The following LRP1B variants were observed in gnomAD, a reference collection of about 807,000 sequenced individuals.
LRP1B encodes LDL receptor related protein 1B.
Under a neutral mutation model 556.6 loss-of-function variants are expected in LRP1B, and 217 were observed. The ratio of observed to expected loss-of-function variants is 0.39; its 90% CI spans 0.35 to 0.44. The LOEUF is 0.44. LRP1B is among the 20% of genes least tolerant of loss of function. The probability of loss-of-function intolerance (pLI) is 1.00; values close to 1 mark genes in which losing one functional copy is unlikely to be tolerated. For missense variants in LRP1B, 5,053 were observed against 5,620.8 expected (o/e 0.90, Z 3.23); for synonymous variants, 2,047 against 1,865.8 (o/e 1.10, Z -2.50).
In LRP1B at chr2:140,281,264, T is replaced by C. The variant is rs543332610; in HGVS notation, c.12968-6666A>G. 2.6e-5 allele frequency among the ~76,000 whole-genome samples: 4 copies of C among 152,082 alleles called. No individual in the cohort carries two copies. In the East Asian group the frequency reaches 5.8e-4, roughly 22 times the overall value. On this transcript the variant is annotated intron_variant, in intron 84 of 90. Transcript: ENST00000389484. ...TTACAAATATTTATGGAAAGCCATA[T>C]AGCTATACAATCTATAACTGCATTT...
At chr2:140,427,182 T>A (rs550422865) in intron 66 of LRP1B, among the ~76,000 whole-genome samples, 8 of 152,256 alleles carry the variant, frequency 5.3e-5, no homozygotes, top group Non-Finnish European at 1.0e-4. Context: ...CGAGGACACC[T>A]CTCTGATTAT....
At chr2:140,545,371 C>A (rs1680291942) in intron 43 of LRP1B, among the ~76,000 whole-genome samples, 1 of 152,016 alleles carries the variant, frequency 6.6e-6, no homozygotes, top group Non-Finnish European at 1.5e-5. Context: ...GTTCCTATGT[C>A]TAGAATGGTA....
At chr2:140,795,528 G>A (rs1165241462) in intron 32 of LRP1B, among the ~76,000 whole-genome samples, 1 of 152,046 alleles carries the variant, frequency 6.6e-6, no homozygotes, top group Non-Finnish European at 1.5e-5. Flanking sequence ...TTTCAAAGTT[G>A]TAATGTTTAA....
At chr2:141,743,094 CT>C (rs1359054240) in intron 2 of LRP1B, among the ~76,000 whole-genome samples, 1 of 151,706 alleles carries the variant, frequency 6.6e-6, no homozygotes, top group Non-Finnish European at 1.5e-5. Context: ...CCCCTTATTT[CT>C]TTTGCTTGGA....
chr2:142,027,695 C>G (rs927502911), intron 1 of LRP1B, among the ~76,000 whole-genome samples: 1 of 146,442 alleles, frequency 6.8e-6, no homozygotes, highest in African/African-American at 2.5e-5. Flanking sequence ...CACACACACA[C>G]ACAGAGATAA....
chr2:141,547,348 G>T lies in LRP1B; in HGVS notation c.206-66815C>A, dbSNP rs114100477. Among the ~76,000 whole-genome samples the T allele has an allele frequency of 7.7e-3, 1,175 of 152,284 alleles. 17 individuals are homozygous for T. The highest frequency in any genetic ancestry group is 0.027 in the African/African-American group (1,127 of 41,566). ...TCTATTTTTAAAAGCTCTTGCAGCA[G>T]CCTGATAATTGGCCTCCCAATTTGC... On this transcript the variant is annotated intron_variant, in intron 2 of 90. Transcript: ENST00000389484.
Position 140,506,801 on chromosome 2 carries a change from T to A in LRP1B, c.8516A>T (p.Gln2839Leu), listed in dbSNP as rs1215253371. 6.2e-7 allele frequency: 1 copy of A among 1,612,972 alleles called. No homozygotes were observed. Among genetic ancestry groups the A allele is most frequent in the Non-Finnish European group, 8.5e-7 (1 of 1,179,466 alleles). ...GAAGTTTTAGATGTACTTACCACAC[T>A]GCGGTGACTCATCAGAGCCATCTCC... ...DCGDGSDESPQCGYRQCGTEE... is the reference protein window; with the variant it reads ...DCGDGSDESPLCGYRQCGTEE... Residue 2839 changes from glutamine to leucine, a missense_variant, in exon 53 of 91, where the codon CAG (glutamine) becomes CTG (leucine). Gln to Leu is a moderately radical substitution (Grantham distance 113). Coordinates refer to ENST00000389484, the MANE Select transcript of LRP1B (RefSeq NM_018557.3).
chr2:141,366,608 C>T (rs1689042832), intron 3 of LRP1B, among the ~76,000 whole-genome samples: 1 of 152,190 alleles, frequency 6.6e-6, no homozygotes, highest in Non-Finnish European at 1.5e-5. Flanking sequence ...TTTAACCCTT[C>T]CTCAGTTTTT....
intron 2 of LRP1B, among the ~76,000 whole-genome samples, chr2:141,794,308 C>T (rs975981733): frequency 1.3e-5 from 2 of 151,852 alleles, no homozygotes; most frequent in East Asian, 1.9e-4. Context: ...TCAGGAGAGG[C>T]TTATTATTAT....
chr2:142,082,841 T>C (rs1275794881), intron 1 of LRP1B, among the ~76,000 whole-genome samples: 1 of 152,236 alleles, frequency 6.6e-6, no homozygotes, highest in African/African-American at 2.4e-5. Context: ...ATCTAATATG[T>C]ATGGGAGAAG....
At chr2:140,743,626 G>T (rs1383458301) in intron 35 of LRP1B, among the ~76,000 whole-genome samples, 2 of 152,034 alleles carry the variant, frequency 1.3e-5, no homozygotes, top group Non-Finnish European at 2.9e-5. Context: ...CTTGCATATA[G>T]TACACATGTA....
intron 21 of LRP1B, among the ~76,000 whole-genome samples, chr2:140,913,427 A>C (rs1011237805): frequency 5.3e-5 from 8 of 152,002 alleles, no homozygotes; most frequent in Non-Finnish European, 1.0e-4. Flanking sequence ...ATGAGAAACA[A>C]GCTTTACCAA....
chr2:141,407,716 G>A (rs10199042), intron 3 of LRP1B, among the ~76,000 whole-genome samples: 30,160 of 152,084 alleles, frequency 0.2, 3,935 homozygotes, highest in East Asian at 0.6. Flanking sequence ...CAGAAACCAA[G>A]CAGATGCCAG....
At chr2:141,598,874 C>T (rs879374304) in intron 2 of LRP1B, among the ~76,000 whole-genome samples, 3 of 151,834 alleles carry the variant, frequency 2.0e-5, no homozygotes, top group Non-Finnish European at 2.9e-5. Flanking sequence ...AGGTGAAAAG[C>T]GGTGGCAAAT....
chr2:140,986,931 C>T (rs147324714), intron 17 of LRP1B, among the ~76,000 whole-genome samples: 6 of 152,216 alleles, frequency 3.9e-5, no homozygotes, highest in African/African-American at 9.6e-5. Context: ...TACAGGATGG[C>T]GGATTCAATA....
At chr2:140,727,792 C>T (rs573456609) in intron 35 of LRP1B, among the ~76,000 whole-genome samples, 2 of 152,196 alleles carry the variant, frequency 1.3e-5, no homozygotes, top group East Asian at 1.9e-4. Context: ...GAAAGCATTC[C>T]TTCAAACATG....
intron 84 of LRP1B, among the ~76,000 whole-genome samples, chr2:140,287,317 A>C (rs2104978780): frequency 6.6e-6 from 1 of 151,996 alleles, no homozygotes; most frequent in South Asian, 2.1e-4. Flanking sequence ...TCTGGAGTTG[A>C]AAAATACTAG....
intron 29 of LRP1B, among the ~76,000 whole-genome samples, chr2:140,849,800 A>G (rs376737088): frequency 1.1e-4 from 16 of 152,276 alleles, no homozygotes; most frequent in African/African-American, 3.8e-4. Flanking sequence ...TCGGCCTCCC[A>G]AAGTGCCGGG....
At chr2:140,500,388 T>C (rs1689131167) in intron 55 of LRP1B, among the ~76,000 whole-genome samples, 1 of 151,928 alleles carries the variant, frequency 6.6e-6, no homozygotes, top group Non-Finnish European at 1.5e-5. Flanking sequence ...TACTGTTAGA[T>C]AGAACTGGCT....
Sources: allele counts gnomAD v4.1 joint callset (sites outside exome capture counted in the v4.1 genomes callset), GRCh38; gene constraint gnomAD v4.1.1; transcripts MANE v1.5; gene names NCBI Gene and HGNC (gene_info 2026-07-23, HGNC 2026-07-21).